Variants in CNIH3 observed in about 807,000 individuals in gnomAD.
CNIH3 encodes protein cornichon homolog 3.
In CNIH3, 14 loss-of-function variants were observed where a neutral mutation model predicts 24.1. The ratio of observed to expected loss-of-function variants is 0.58; its 90% CI spans 0.38 to 0.91. The LOEUF (loss-of-function observed/expected upper bound fraction) is 0.91. Ranked by LOEUF, CNIH3 falls within the 40% of genes least tolerant of loss-of-function variation. CNIH3 has a pLI of 0.00. For synonymous variants in CNIH3, 68 were observed against 73.8 expected (o/e 0.92, Z 0.40); for missense variants, 178 against 196.8 (o/e 0.90, Z 0.57).
At chr1:224,520,072 A>G (rs1678564073) in intron 1 of CNIH3, among the ~76,000 whole-genome samples, 1 of 152,188 alleles carries the variant, frequency 6.6e-6, no homozygotes, top group South Asian at 2.1e-4. Flanking sequence ...GGGTGACTCA[A>G]CAACAGCTGC....
chr1:224,673,300 C>G (rs1427234722), intron 1 of CNIH3, among the ~76,000 whole-genome samples: 1 of 152,170 alleles, frequency 6.6e-6, no homozygotes, highest in Non-Finnish European at 1.5e-5. Context: ...GGCTTCATGC[C>G]ACACTGTCTA....
chr1:224,573,053 A>G (rs958007258), intron 4 of CNIH3, among the ~76,000 whole-genome samples: 1 of 152,224 alleles, frequency 6.6e-6, no homozygotes, highest in Non-Finnish European at 1.5e-5. Flanking sequence ...TTGTTGACAT[A>G]CAATTATTCA....
upstream of CNIH3, among the ~76,000 whole-genome samples, chr1:224,513,363 A>AGG (rs1393338672): frequency 0.014 from 729 of 53,882 alleles, 6 homozygotes; most frequent in African/African-American, 0.024. Context: ...TGGGGGTGGG[A>AGG]GGGGGGGGGT....
chr1:224,474,466 G>T (rs1018266630), intron 1 of CNIH3, among the ~76,000 whole-genome samples: 13 of 151,510 alleles, frequency 8.6e-5, no homozygotes, highest in African/African-American at 3.2e-4. Flanking sequence ...AAAAAGGGAA[G>T]TTTATGGGTA....
chr1:224,534,284 G>A (rs928580460), intron 2 of CNIH3, among the ~76,000 whole-genome samples: 4 of 152,264 alleles, frequency 2.6e-5, no homozygotes, highest in Non-Finnish European at 5.9e-5. Context: ...GATGACATGT[G>A]ATTGGATATG....
chr1:224,628,781 A>G (rs1203702538), intron 1 of CNIH3, among the ~76,000 whole-genome samples: 1 of 152,018 alleles, frequency 6.6e-6, no homozygotes, highest in Non-Finnish European at 1.5e-5. Flanking sequence ...ATGTGTCATT[A>G]TGCCCTCCTC....
intron 4 of CNIH3, chr1:224,574,402 T>G: frequency 5.8e-6 from 3 of 518,560 alleles, no homozygotes; most frequent in Non-Finnish European, 1.0e-5. Context: ...AGGTACATGG[T>G]TCTGGGTGGG....
intron 2 of CNIH3, among the ~76,000 whole-genome samples, chr1:224,523,513 C>T (rs549932785): frequency 3.9e-5 from 6 of 152,220 alleles, no homozygotes; most frequent in African/African-American, 1.4e-4. Context: ...GGTGTTAGAA[C>T]TCAAGTGAAT....
chr1:224,704,430 G>C lies in CNIH3; in HGVS notation c.198+19587G>C, dbSNP rs1687669245. On this transcript the variant is annotated intron_variant, in intron 3 of 5. Coordinates refer to ENST00000272133, the MANE Select transcript of CNIH3 (RefSeq NM_152495.2). The surrounding 1 kb of genome is among the most constrained non-coding windows in gnomAD (Gnocchi z 4.2). ...GCTTTTAAAACCCAGGGATCCAGAGGCAGGGAGCCATCCCCTGAGTCTCAT... is the reference window on the plus strand; with the variant it reads ...GCTTTTAAAACCCAGGGATCCAGAGCCAGGGAGCCATCCCCTGAGTCTCAT... 1.3e-5 allele frequency among the ~76,000 whole-genome samples: 2 copies of C among 152,150 alleles called. No homozygotes were observed. The highest frequency in any genetic ancestry group is 4.8e-5 in the African/African-American group (2 of 41,410).
In CNIH3 at chr1:224,474,785, T is replaced by C. The variant is rs549138673; in HGVS notation, n.203+39923T>C. ...GCTCACGCCTGTAATCCCAGCACTT[T>C]GGGAGGCCAAGGCGGGCAGATCACA... On this transcript the variant is annotated intron_variant and non_coding_transcript_variant, in intron 1 of 5. Transcript: ENST00000471578. 7.5e-4 allele frequency among the ~76,000 whole-genome samples: 114 copies of C among 152,002 alleles called. 1 individual carries two copies. Among genetic ancestry groups the C allele is most frequent in the African/African-American group, 2.6e-3 (109 of 41,484 alleles).
chr1:224,725,399 C>G (rs899062958), intron 3 of CNIH3, among the ~76,000 whole-genome samples: 2 of 152,132 alleles, frequency 1.3e-5, no homozygotes, highest in African/African-American at 2.4e-5. Context: ...CTAAATAGCA[C>G]ACAGTTGAGT....
At chr1:224,710,028 A>G (rs71644793) in intron 3 of CNIH3, among the ~76,000 whole-genome samples, 2 of 152,216 alleles carry the variant, frequency 1.3e-5, no homozygotes, top group Admixed American at 6.5e-5. Context: ...AAAAATTATA[A>G]CAACATACTG....
In CNIH3 at chr1:224,699,392, G is replaced by T. The variant is rs535946062; in HGVS notation, c.198+14549G>T. On this transcript the variant is annotated intron_variant, in intron 3 of 5. Coordinates refer to ENST00000272133, the MANE Select transcript of CNIH3 (RefSeq NM_152495.2). ...TCTCCTGGCCCTTCGGCAGCTGAAT[G>T]TCAGCCAGGGGTGCCATAACACAGC... is the stretch of plus-strand genomic sequence containing the variant. Among the ~76,000 whole-genome samples the T allele has an allele frequency of 3.9e-5, 6 of 152,362 alleles. No homozygotes were observed. In the East Asian group the frequency reaches 1.2e-3, roughly 29 times the overall value.
At chr1:224,530,820 G>C (rs1339263722) in intron 2 of CNIH3, among the ~76,000 whole-genome samples, 1 of 151,952 alleles carries the variant, frequency 6.6e-6, no homozygotes, top group Admixed American at 6.6e-5. Flanking sequence ...GGATGGTCGC[G>C]ATCTCCTGAC....
At chr1:224,623,197 G>T (rs1683364937) in intron 1 of CNIH3, among the ~76,000 whole-genome samples, 1 of 152,106 alleles carries the variant, frequency 6.6e-6, no homozygotes, top group Non-Finnish European at 1.5e-5. Context: ...TGCCCCAGGG[G>T]CTCTTGGCCC....
intron 3 of CNIH3, among the ~76,000 whole-genome samples, chr1:224,595,803 T>C (rs1025631839): frequency 6.6e-6 from 1 of 152,170 alleles, no homozygotes; most frequent in Non-Finnish European, 1.5e-5. Flanking sequence ...GAATATTAGA[T>C]GGAAGATCAA....
At chr1:224,454,274 T>C (rs934831904) in intron 1 of CNIH3, 67 of 979,470 alleles carry the variant, frequency 6.8e-5, no homozygotes, top group Non-Finnish European at 7.5e-5. Context: ...TTTTTTTTTT[T>C]CAGATCTCTG....
At chr1:224,685,379 C>T (rs970229895) in intron 3 of CNIH3, among the ~76,000 whole-genome samples, 3 of 152,162 alleles carry the variant, frequency 2.0e-5, no homozygotes, top group Non-Finnish European at 4.4e-5. Flanking sequence ...ATGGGTAGTA[C>T]GTTACAGCTT....
At chr1:224,477,749 A>T in intron 1 of CNIH3, among the ~76,000 whole-genome samples, 1 of 152,184 alleles carries the variant, frequency 6.6e-6, no homozygotes, top group African/African-American at 2.4e-5. Context: ...GCTTACTGTT[A>T]CCAGAGAGTT....
Sources: allele counts gnomAD v4.1 joint callset (sites outside exome capture counted in the v4.1 genomes callset), GRCh38; gene constraint gnomAD v4.1.1; non-coding constraint Gnocchi (gnomAD v3.1); transcripts MANE v1.5; gene names NCBI Gene and HGNC (gene_info 2026-07-23, HGNC 2026-07-21).